Variants in MOB3A observed in about 807,000 individuals in gnomAD.
MOB3A encodes MOB kinase activator 3A.
In MOB3A, 17 loss-of-function variants were observed where a neutral mutation model predicts 17.8. The ratio of observed to expected loss-of-function variants is 0.95; its 90% CI spans 0.65 to 1.43. MOB3A has a LOEUF of 1.43. Among genes scored for constraint, MOB3A ranks in the 40% most tolerant of loss-of-function variants. The pLI is 0.00. For missense variants in MOB3A, 333 were observed against 310.8 expected, an observed-to-expected ratio of 1.07 and a Z score of -0.54; for synonymous variants, 124 against 133.2, an observed-to-expected ratio of 0.93 and a Z score of 0.48.
At position 2,078,665 on chromosome 19, in the gene MOB3A, A is replaced by C; in HGVS notation, c.-105T>G. 2 of 1,161,226 alleles carry C rather than the reference A, an allele frequency of 1.7e-6. No individual in the cohort carries two copies. The highest frequency in any genetic ancestry group is 2.4e-6 in the Non-Finnish European group (2 of 830,700). 71.9% of individuals were successfully genotyped at this position (1,161,226 alleles called of 1,614,324 possible). Reference sequence around the variant, plus strand: ...CCACGAAACACTCACCAAGCCCCACAGCTCTCCCGCGGACCTGAAATACAC... The same window carrying C: ...CCACGAAACACTCACCAAGCCCCACCGCTCTCCCGCGGACCTGAAATACAC... On this transcript the variant is annotated 5_prime_UTR_variant, in exon 3 of 5. Transcript: ENST00000357066.
intron 1 of MOB3A, among the ~76,000 whole-genome samples, chr19:2,086,197 C>T (rs1176710517): frequency 3.3e-5 from 5 of 151,334 alleles, no homozygotes; most frequent in South Asian, 2.1e-4. Flanking sequence ...CCCGCTACAA[C>T]GCCCGACTAA....
In MOB3A at chr19:2,080,025, G is replaced by A. The variant is rs898290294; in HGVS notation, c.-119-1346C>T. ...GGAGGGGCGACCTGGATCACACACC[G>A]CGCGTGTGCCGGGCTCACGCTCACC... On this transcript the variant is annotated intron_variant, in intron 2 of 4. Transcript: ENST00000357066. 5.3e-5 allele frequency among the ~76,000 whole-genome samples: 8 copies of A among 152,282 alleles called. No individual in the cohort carries two copies. The East Asian group carries it at 1.2e-3, about 22-fold the overall frequency.
chr19:2,091,455 C>T (rs994056673), intron 1 of MOB3A, among the ~76,000 whole-genome samples: 1 of 152,054 alleles, frequency 6.6e-6, no homozygotes, highest in Non-Finnish European at 1.5e-5. Flanking sequence ...GCAATCTCGG[C>T]TCACTGCAAG....
intron 2 of MOB3A, among the ~76,000 whole-genome samples, chr19:2,081,321 C>T (rs889626719): frequency 1.4e-4 from 21 of 152,334 alleles, no homozygotes; most frequent in East Asian, 7.7e-4. Flanking sequence ...GGCGTGGTGG[C>T]TCACGCCTGT....
chr19:2,075,169 C>G (rs547061768), intron 4 of MOB3A, among the ~76,000 whole-genome samples: 1 of 152,092 alleles, frequency 6.6e-6, no homozygotes, highest in Non-Finnish European at 1.5e-5. Context: ...GCTAGGACCA[C>G]AGGCACGCAC....
intron 1 of MOB3A, chr19:2,095,236 C>A (rs1443792071): frequency 6.6e-6 from 1 of 152,520 alleles, no homozygotes; most frequent in East Asian, 1.9e-4. Context: ...GACTGGAAAT[C>A]TTACCCCCAG....
At chr19:2,091,823 C>G (rs929188091) in intron 1 of MOB3A, among the ~76,000 whole-genome samples, 13 of 150,632 alleles carry the variant, frequency 8.6e-5, no homozygotes, top group African/African-American at 3.2e-4. Flanking sequence ...ATGGTGAAAC[C>G]CTGTCTCTAC....
chr19:2,080,503 G>A (rs551742320), intron 2 of MOB3A, among the ~76,000 whole-genome samples: 4 of 151,692 alleles, frequency 2.6e-5, no homozygotes, highest in Admixed American at 6.6e-5. Flanking sequence ...TCAGCCTCCC[G>A]AGTAGCTGGC....
At position 2,093,547 on chromosome 19, in the gene MOB3A, A is replaced by G. The variant is rs181195292; in HGVS notation, c.-274+2679T>C. Among the ~76,000 whole-genome samples the G allele has an allele frequency of 6.6e-6, 1 of 152,194 alleles. No homozygotes were observed. Among genetic ancestry groups the G allele is most frequent in the East Asian group, 1.9e-4 (1 of 5,182 alleles). Reference sequence around the variant, plus strand: ...TATTTAGTAGAGATGGGGTTTTGCCATGTTGGCCAGGCTGGTCTTGAATGC... The same window carrying G: ...TATTTAGTAGAGATGGGGTTTTGCCGTGTTGGCCAGGCTGGTCTTGAATGC... On this transcript the variant is annotated intron_variant, in intron 1 of 4. Coordinates refer to ENST00000357066, the MANE Select transcript of MOB3A (RefSeq NM_130807.3). The surrounding 1 kb of genome is among the most constrained non-coding windows in gnomAD (Gnocchi z 4.6).
At chr19:2,086,950 C>A (rs1487125380) in intron 1 of MOB3A, among the ~76,000 whole-genome samples, 1 of 152,088 alleles carries the variant, frequency 6.6e-6, no homozygotes, top group Non-Finnish European at 1.5e-5. Context: ...CAACACCACA[C>A]CTGTATAATT....
intron 2 of MOB3A, among the ~76,000 whole-genome samples, chr19:2,083,341 C>T (rs1322895081): frequency 6.6e-6 from 1 of 152,226 alleles, no homozygotes; most frequent in East Asian, 1.9e-4. Flanking sequence ...CCAGTGACAG[C>T]TCAGCACCCC....
chr19:2,072,928 T>G lies in MOB3A; in HGVS notation c.*467A>C, dbSNP rs905533951. 2 of 164,920 alleles carry G rather than the reference T, an allele frequency of 1.2e-5. No homozygotes were observed. Among genetic ancestry groups the G allele is most frequent in the African/African-American group, 4.8e-5 (2 of 41,690 alleles). 10.2% of individuals were successfully genotyped at this position (164,920 alleles called of 1,614,324 possible). On this transcript the variant is annotated 3_prime_UTR_variant, in exon 5 of 5. Transcript: ENST00000357066. ...CTCGGAAGCCCCTCAGCCTCTTGCC[T>G]CCCCAACGGGAGACATGTAGGAGGC...
chr19:2,074,092 G>A (rs933765215), intron 4 of MOB3A, among the ~76,000 whole-genome samples: 1 of 151,888 alleles, frequency 6.6e-6, no homozygotes, highest in African/African-American at 2.4e-5. Context: ...AGGAGATCGA[G>A]ACCATCCTGG....
At position 2,082,266 on chromosome 19, in the gene MOB3A, C is replaced by T. The variant is rs1308780597; in HGVS notation, c.-120+2909G>A. Among the ~76,000 whole-genome samples, 1 of 152,216 alleles carries T rather than the reference C, an allele frequency of 6.6e-6. No individual in the cohort carries two copies. The highest frequency in any genetic ancestry group is 1.9e-4 in the East Asian group (1 of 5,198). On this transcript the variant is annotated intron_variant, in intron 2 of 4. Coordinates refer to ENST00000357066, the MANE Select transcript of MOB3A (RefSeq NM_130807.3). The surrounding 1 kb of genome is among the most constrained non-coding windows in gnomAD (Gnocchi z 4.1). ...CTCTAACCCCTGGCTCTGTGGACATCGGGGTTGGATCGTTCTCTGGGGTGG... is the reference window on the plus strand; with the variant it reads ...CTCTAACCCCTGGCTCTGTGGACATTGGGGTTGGATCGTTCTCTGGGGTGG...
At chr19:2,089,268 G>A (rs773200078) in intron 1 of MOB3A, among the ~76,000 whole-genome samples, 10 of 152,316 alleles carry the variant, frequency 6.6e-5, no homozygotes, top group Admixed American at 2.0e-4. Flanking sequence ...AGAAGCTGAG[G>A]CCAGTTGCCT....
chr19:2,077,643 C>T (rs1268084864), intron 3 of MOB3A, among the ~76,000 whole-genome samples: 1 of 151,962 alleles, frequency 6.6e-6, no homozygotes, highest in Non-Finnish European at 1.5e-5. Context: ...GGGTGCTTGT[C>T]TCCTCTGCGA....
rs1336149158 is a variant in MOB3A at position 2,078,628 on chromosome 19, CAACCCGAGAGGCCACGA to C, written c.-85_-69del. On this transcript the variant is annotated 5_prime_UTR_variant, in exon 3 of 5. Transcript: ENST00000357066. The stretch of plus-strand genomic sequence containing the variant: ...GGGCCAGCTGGCTGGGGGTGCTGAC[CAACCCGAGAGGCCACGA>C]AACACTCACCAAGCCCCACAGCTCT... The C allele has an allele frequency of 1.4e-5, 20 of 1,476,790 alleles. No homozygotes were observed. Among genetic ancestry groups the C allele is most frequent in the Non-Finnish European group, 1.7e-5 (19 of 1,102,864 alleles). 91.5% of individuals were successfully genotyped at this position (1,476,790 alleles called of 1,614,324 possible).
intron 1 of MOB3A, chr19:2,095,143 C>T: frequency 6.5e-6 from 1 of 152,734 alleles, no homozygotes. Flanking sequence ...TGCTCTCCAG[C>T]CTGGGCGTGA....
chr19:2,082,418 G>C lies in MOB3A; in HGVS notation c.-120+2757C>G, dbSNP rs1331990783. Among the ~76,000 whole-genome samples, 1 of 152,216 alleles carries C rather than the reference G, an allele frequency of 6.6e-6. No individual in the cohort carries two copies. The highest frequency in any genetic ancestry group is 2.1e-4 in the South Asian group (1 of 4,834). On this transcript the variant is annotated intron_variant, in intron 2 of 4. Coordinates refer to ENST00000357066, the MANE Select transcript of MOB3A (RefSeq NM_130807.3). This position sits in a 1 kb window ranked among gnomAD's most constrained non-coding sequence, Gnocchi z 4.1. ...ATCACCCAGTGTCCCTTTGGGTTAA[G>C]ATTAGATCGCCCTGGGTGAGATCGT... is the stretch of plus-strand genomic sequence containing the variant.
Sources: gnomAD v4.1 joint callset for allele counts (sites outside exome capture counted in the v4.1 genomes callset) on GRCh38, gnomAD v4.1.1 for gene constraint, Gnocchi (gnomAD v3.1) non-coding constraint, MANE v1.5 for transcripts, NCBI Gene and HGNC (gene_info 2026-07-23, HGNC 2026-07-21) for gene names.